Variants in SORCS1 observed in about 807,000 individuals in gnomAD.
SORCS1 encodes VPS10 domain-containing receptor SorCS1.
SORCS1 carries 60 observed loss-of-function variants against 146.1 expected under a neutral mutation model. The ratio of observed to expected loss-of-function variants is 0.41; its 90% CI spans 0.33 to 0.51. The LOEUF (loss-of-function observed/expected upper bound fraction) is 0.51, where lower values mean the gene tolerates loss of function less well. Among genes scored for constraint, SORCS1 ranks in the 20% least tolerant of loss-of-function variants. The probability of loss-of-function intolerance (pLI) is 0.21; values close to 1 mark genes in which losing one functional copy is unlikely to be tolerated. For missense variants in SORCS1, 1,352 were observed against 1,487.6 expected (o/e 0.91, Z 1.50); for synonymous variants, 637 against 584.0 (o/e 1.09, Z -1.31).
chr10:106,615,545 T>C (rs1364959995), intron 21 of SORCS1, among the ~76,000 whole-genome samples: 1 of 152,130 alleles, frequency 6.6e-6, no homozygotes, highest in Non-Finnish European at 1.5e-5. Flanking sequence ...CAGGTGTGGT[T>C]ACTCATGCCT....
At chr10:106,703,178 A>T (rs1336082047) in intron 8 of SORCS1, among the ~76,000 whole-genome samples, 4 of 140,940 alleles carry the variant, frequency 2.8e-5, no homozygotes, top group Non-Finnish European at 4.7e-5. Flanking sequence ...CTCCTTATTT[A>T]AAAAAAAAAA....
chr10:106,889,836 G>GATCCGAT (rs1242876570), intron 2 of SORCS1, among the ~76,000 whole-genome samples: 1 of 142,488 alleles, frequency 7.0e-6, no homozygotes, highest in African/African-American at 2.7e-5. Flanking sequence ...AGTGAGCCGA[G>GATCCGAT]ATCGCGCCAC....
intron 1 of SORCS1, among the ~76,000 whole-genome samples, chr10:106,995,138 C>G (rs1453962696): frequency 6.6e-6 from 1 of 151,834 alleles, no homozygotes; most frequent in African/African-American, 2.4e-5. Flanking sequence ...TGGTGAAACC[C>G]CGCCTCTACT....
At chr10:106,727,311 T>G (rs114384973) in intron 6 of SORCS1, among the ~76,000 whole-genome samples, 2,310 of 152,264 alleles carry the variant, frequency 0.015, 62 homozygotes, top group African/African-American at 0.053. Flanking sequence ...GTGAGATCTC[T>G]CTACATGTAG....
In SORCS1 at chr10:107,060,205, G is replaced by A. The variant is rs556352034; in HGVS notation, c.559-103625C>T. On this transcript the variant is annotated intron_variant, in intron 1 of 25. Transcript: ENST00000263054. The surrounding 1 kb of genome is among the most constrained non-coding windows in gnomAD (Gnocchi z 4.1). The stretch of plus-strand genomic sequence containing the variant: ...AAAATGTAGACAGAAGGATGGAAAT[G>A]ACAATGAGGATCTGAAGTTTACATG... 5.3e-5 allele frequency among the ~76,000 whole-genome samples: 8 copies of A among 152,114 alleles called. No individual in the cohort carries two copies. The South Asian group carries it at 1.7e-3, about 32-fold the overall frequency.
Position 106,896,998 on chromosome 10 carries a change from C to A in SORCS1, c.626+59515G>T, listed in dbSNP as rs189839790. ...CTCCACCTCCCGGGTTCACGCCATTCTCCTGCCTCAGCCTCCCGAGTAGCT... is the reference window on the plus strand; with the variant it reads ...CTCCACCTCCCGGGTTCACGCCATTATCCTGCCTCAGCCTCCCGAGTAGCT... On this transcript the variant is annotated intron_variant, in intron 2 of 25. Coordinates refer to ENST00000263054, the MANE Select transcript of SORCS1 (RefSeq NM_052918.5). 2.2e-3 allele frequency among the ~76,000 whole-genome samples: 325 copies of A among 149,042 alleles called. 2 individuals carry two copies. Among genetic ancestry groups the A allele is most frequent in the African/African-American group, 7.4e-3 (299 of 40,246 alleles).
intron 1 of SORCS1, among the ~76,000 whole-genome samples, chr10:107,154,566 A>G (rs1969122745): frequency 6.6e-6 from 1 of 152,228 alleles, no homozygotes; most frequent in Non-Finnish European, 1.5e-5. Context: ...AATTGGAAAT[A>G]TTTAGTAAGC....
At chr10:106,982,241 G>A (rs1285424988) in intron 1 of SORCS1, among the ~76,000 whole-genome samples, 1 of 152,184 alleles carries the variant, frequency 6.6e-6, no homozygotes, top group African/African-American at 2.4e-5. Context: ...AAGACTTGAT[G>A]CCTATGATTT....
chr10:106,858,898 T>C (rs1334800738), intron 2 of SORCS1, among the ~76,000 whole-genome samples: 2 of 152,242 alleles, frequency 1.3e-5, no homozygotes, highest in Admixed American at 1.3e-4. Context: ...CACACAGTTG[T>C]CTGTGCCCAA....
intron 3 of SORCS1, among the ~76,000 whole-genome samples, chr10:106,810,899 A>T (rs1209021161): frequency 6.6e-6 from 1 of 151,790 alleles, no homozygotes; most frequent in African/African-American, 2.4e-5. Context: ...TCATGAGGCT[A>T]GTTTTTATGT....
chr10:106,773,419 C>G (rs1446995652), intron 4 of SORCS1, among the ~76,000 whole-genome samples: 1 of 152,206 alleles, frequency 6.6e-6, no homozygotes, highest in East Asian at 1.9e-4. Flanking sequence ...TGACTTCCAG[C>G]CAATGCCATC....
At chr10:107,022,270 T>G (rs1434071781) in intron 1 of SORCS1, among the ~76,000 whole-genome samples, 1 of 152,156 alleles carries the variant, frequency 6.6e-6, no homozygotes, top group Non-Finnish European at 1.5e-5. Flanking sequence ...TTAATTAACT[T>G]GCATTCTCAT....
At chr10:106,843,466 G>T (rs1178126065) in intron 2 of SORCS1, among the ~76,000 whole-genome samples, 1 of 117,194 alleles carries the variant, frequency 8.5e-6, no homozygotes, top group Non-Finnish European at 1.6e-5. Flanking sequence ...GTCTCGCTCT[G>T]TTGCTCAGGC....
chr10:106,645,628 T>C (rs1849370379), intron 18 of SORCS1, among the ~76,000 whole-genome samples: 1 of 152,228 alleles, frequency 6.6e-6, no homozygotes, highest in South Asian at 2.1e-4. Flanking sequence ...GAGTCATTTG[T>C]GCATTTTCTG....
chr10:106,624,323 T>C (rs892243896), intron 19 of SORCS1, among the ~76,000 whole-genome samples: 5 of 151,438 alleles, frequency 3.3e-5, no homozygotes, highest in Non-Finnish European at 7.4e-5. Flanking sequence ...TATTTTCACA[T>C]AATCACGTTT....
At chr10:106,989,606 T>G (rs185919515) in intron 1 of SORCS1, among the ~76,000 whole-genome samples, 22 of 152,014 alleles carry the variant, frequency 1.4e-4, no homozygotes, top group Admixed American at 2.6e-4. Context: ...TGTCCCTTCA[T>G]TTATATACAT....
intron 1 of SORCS1, among the ~76,000 whole-genome samples, chr10:107,091,809 T>C (rs745592998): frequency 1.3e-5 from 2 of 152,230 alleles, no homozygotes; most frequent in Non-Finnish European, 2.9e-5. Context: ...TTCAACTCTT[T>C]TCACTCTTCC....
At chr10:106,826,408 C>T (rs1325634232) in intron 3 of SORCS1, among the ~76,000 whole-genome samples, 1 of 152,180 alleles carries the variant, frequency 6.6e-6, no homozygotes, top group East Asian at 1.9e-4. Context: ...AGCTTAAGTC[C>T]TAGAAGAATT....
chr10:106,928,985 C>G (rs1953244741), intron 2 of SORCS1, among the ~76,000 whole-genome samples: 1 of 150,836 alleles, frequency 6.6e-6, no homozygotes, highest in Non-Finnish European at 1.5e-5. Flanking sequence ...TAGAACAAAT[C>G]TTTTTAAAAT....
Sources: allele counts gnomAD v4.1 joint callset (sites outside exome capture counted in the v4.1 genomes callset), GRCh38; gene constraint gnomAD v4.1.1; non-coding constraint Gnocchi (gnomAD v3.1); transcripts MANE v1.5; gene names NCBI Gene and HGNC (gene_info 2026-07-23, HGNC 2026-07-21).